Variants in CDH23 observed in about 807,000 individuals in gnomAD.
CDH23 encodes the protein cadherin related 23.
Under a neutral mutation model 317.1 loss-of-function variants are expected in CDH23, and 189 were observed. That is an observed-to-expected ratio of 0.60 (90% CI 0.53 to 0.67). The LOEUF (loss-of-function observed/expected upper bound fraction) is 0.67, where lower values mean the gene tolerates loss of function less well. Ranked by LOEUF, CDH23 falls within the 30% of genes least tolerant of loss-of-function variation. The probability of loss-of-function intolerance (pLI) is 0.00; values close to 1 mark genes in which losing one functional copy is unlikely to be tolerated. For missense variants in CDH23, 4,401 were observed against 4,592.4 expected (o/e 0.96, Z 1.20); for synonymous variants, 1,839 against 1,876.8 (o/e 0.98, Z 0.52).
chr10:71,655,345 A>C (rs1589301232), intron 14 of CDH23, among the ~76,000 whole-genome samples: 2 of 150,948 alleles, frequency 1.3e-5, no homozygotes, highest in African/African-American at 2.4e-5. Context: ...GATCCTCAAC[A>C]CCCCTCAACC....
intron 9 of CDH23, among the ~76,000 whole-genome samples, chr10:71,600,875 GA>G (rs1465365360): frequency 6.6e-6 from 1 of 152,142 alleles, no homozygotes; most frequent in Non-Finnish European, 1.5e-5. Context: ...AGTTCCTGGG[GA>G]AACCCTGGCC....
chr10:71,622,861 G>A lies in CDH23; in HGVS notation c.1134+5468G>A, dbSNP rs930418532. 6.7e-6 allele frequency: 6 copies of A among 895,420 alleles called. No individual in the cohort carries two copies. The African/African-American group carries it at 1.1e-4, about 16-fold the overall frequency. 55.5% of individuals were successfully genotyped at this position (895,420 alleles called of 1,614,324 possible). ...GGACACCACTCTCTTCCCCACCCCA[G>A]AGAGGCCTCAGCTGCCAGATTCTGG... is the stretch of plus-strand genomic sequence containing the variant. On this transcript the variant is annotated intron_variant, in intron 11 of 69. Transcript: ENST00000224721.
At position 71,785,787 on chromosome 10, in the gene CDH23, T is replaced by G. The variant is rs1379572353; in HGVS notation, c.5820+49T>G. On this transcript the variant is annotated intron_variant, in intron 44 of 69. Transcript: ENST00000224721. ...GAGTGGGCTGGGAGCTAGAGGCGCA[T>G]GGAGAGAGAACACATCACCCCTCCT... 5 of 1,159,880 alleles carry G rather than the reference T, an allele frequency of 4.3e-6. No homozygotes were observed. The Admixed American group carries it at 7.8e-5, about 18-fold the overall frequency. The allele number at this position is 1,159,880 out of a possible 1,614,324, so 71.8% of individuals were successfully genotyped here. A position where few individuals can be genotyped will look rare whatever the true frequency, so the allele number is the denominator to read the frequency against.
intron 11 of CDH23, among the ~76,000 whole-genome samples, chr10:71,624,688 A>G (rs1446338191): frequency 1.3e-5 from 2 of 152,116 alleles, no homozygotes; most frequent in African/African-American, 4.8e-5. Flanking sequence ...TGACAGAGAG[A>G]GAACCTGTCT....
intron 3 of CDH23, among the ~76,000 whole-genome samples, chr10:71,494,351 G>C (rs568699283): frequency 1.3e-5 from 2 of 152,280 alleles, no homozygotes; most frequent in South Asian, 4.2e-4. Flanking sequence ...GGGTGTGTAG[G>C]ATGTGACTCC....
At chr10:71,650,951 T>C (rs1383683191) in intron 14 of CDH23, among the ~76,000 whole-genome samples, 1 of 152,252 alleles carries the variant, frequency 6.6e-6, no homozygotes, top group East Asian at 1.9e-4. Context: ...CATTCATTCA[T>C]TGATTCAACA....
Position 71,811,364 on chromosome 10 carries a change from CG to C in CDH23, c.9129del (p.Asn3044ThrfsTer43), listed in dbSNP as rs1554877797. The C allele has an allele frequency of 6.2e-7, 1 of 1,613,894 alleles. No homozygotes were observed. Among genetic ancestry groups the C allele is most frequent in the East Asian group, 2.2e-5 (1 of 44,874 alleles). On this transcript the variant is annotated frameshift_variant, in exon 63 of 70. Coordinates refer to ENST00000224721, the MANE Select transcript of CDH23 (RefSeq NM_022124.6). LOFTEE classifies it high-confidence loss of function. The stretch of plus-strand genomic sequence containing the variant: ...CAAGGAGCAGCTACGGAATCTTTTC[CG>C]GAACTACAACGTCCTGGACGTGCAG... ...ENKEQLRNLF[R>X]NYNVLDVQPA...
intron 9 of CDH23, among the ~76,000 whole-genome samples, chr10:71,608,800 A>G (rs1264337271): frequency 6.6e-6 from 1 of 152,182 alleles, no homozygotes; most frequent in African/African-American, 2.4e-5. Flanking sequence ...TCCAGGCGAG[A>G]GATGCGGGTG....
chr10:71,502,719 T>C (rs1010084792), intron 3 of CDH23, among the ~76,000 whole-genome samples: 2 of 152,194 alleles, frequency 1.3e-5, no homozygotes, highest in African/African-American at 4.8e-5. Context: ...GAATTCGTTT[T>C]CATTCTCTGG....
intron 3 of CDH23, among the ~76,000 whole-genome samples, chr10:71,466,878 GT>G (rs1681612677): frequency 6.6e-6 from 1 of 151,258 alleles, no homozygotes; most frequent in Non-Finnish European, 1.5e-5. Context: ...CATGAGGGGT[GT>G]GTGTGTGTGT....
At chr10:71,475,143 T>G (rs1023751782) in intron 3 of CDH23, among the ~76,000 whole-genome samples, 3 of 152,182 alleles carry the variant, frequency 2.0e-5, no homozygotes, top group African/African-American at 7.2e-5. Context: ...CTGTGTAACC[T>G]TAGTGCAGGG....
At chr10:71,571,104 T>C (rs949792431) in intron 8 of CDH23, among the ~76,000 whole-genome samples, 186 bp downstream of exon 8, 2 of 152,178 alleles carry the variant, frequency 1.3e-5, no homozygotes, top group Admixed American at 1.3e-4. Flanking sequence ...CACGCCCATC[T>C]CCTCACCCTC....
At chr10:71,470,057 A>G (rs1012851213) in intron 3 of CDH23, among the ~76,000 whole-genome samples, 7 of 152,164 alleles carry the variant, frequency 4.6e-5, no homozygotes, top group Non-Finnish European at 1.0e-4. Flanking sequence ...CTGGTCTCCA[A>G]TTCCTGGGCT....
At chr10:71,472,978 G>T (rs533401704) in intron 3 of CDH23, among the ~76,000 whole-genome samples, 3 of 152,332 alleles carry the variant, frequency 2.0e-5, no homozygotes, top group African/African-American at 7.2e-5. Flanking sequence ...TGGATTAAAA[G>T]TAGGTGTATC....
At chr10:71,460,747 C>T (rs902591748) in intron 3 of CDH23, among the ~76,000 whole-genome samples, 1 of 152,212 alleles carries the variant, frequency 6.6e-6, no homozygotes, top group Non-Finnish European at 1.5e-5. Flanking sequence ...CCTGCTCATC[C>T]CAGCCCCGTC....
rs3747863 is a variant in CDH23, at chr10:71,768,075, G to A, written c.4846-9605G>A. The stretch of plus-strand genomic sequence containing the variant: ...CCTCACGCTTCTATGCTGTGAAGAC[G>A]TCCTCAGGGTCCAGCTCAAGTCTTT... On this transcript the variant is annotated intron_variant, in intron 38 of 69. Coordinates refer to ENST00000224721, the MANE Select transcript of CDH23 (RefSeq NM_022124.6). 4.9e-4 allele frequency among the ~76,000 whole-genome samples: 74 copies of A among 152,344 alleles called. 1 individual carries two copies. In the East Asian group the frequency reaches 0.014, roughly 28 times the overall value.
intron 6 of CDH23, among the ~76,000 whole-genome samples, chr10:71,518,756 CCT>C (rs1377792843): frequency 1.3e-5 from 2 of 152,246 alleles, no homozygotes; most frequent in Non-Finnish European, 2.9e-5. Flanking sequence ...TTTTCTGCCA[CCT>C]CTTTCTGGTT....
chr10:71,731,644 A>G (rs1564763420), intron 31 of CDH23, among the ~76,000 whole-genome samples: 1 of 152,158 alleles, frequency 6.6e-6, no homozygotes, highest in African/African-American at 2.4e-5. Flanking sequence ...CTCCACTACA[A>G]GAGATCCTTC....
At chr10:71,765,981 C>G (rs2090885257) in intron 38 of CDH23, among the ~76,000 whole-genome samples, 1 of 152,130 alleles carries the variant, frequency 6.6e-6, no homozygotes, top group South Asian at 2.1e-4. Context: ...TGGGACAAGG[C>G]CCACAGCAGC....
Sources: gnomAD v4.1 joint callset for allele counts (sites outside exome capture counted in the v4.1 genomes callset) on GRCh38, gnomAD v4.1.1 for gene constraint, MANE v1.5 for transcripts, NCBI Gene and HGNC (gene_info 2026-07-23, HGNC 2026-07-21) for gene names.